Variants in ZNF608 observed in about 807,000 individuals in gnomAD.
ZNF608 encodes the protein renal carcinoma antigen NY-REN-36.
ZNF608 carries 12 observed loss-of-function variants against 109.0 expected under a neutral mutation model. The ratio of observed to expected loss-of-function variants is 0.11; its 90% CI spans 0.07 to 0.18. The LOEUF (loss-of-function observed/expected upper bound fraction) is 0.18. Ranked by LOEUF, ZNF608 falls within the 10% of genes least tolerant of loss-of-function variation. The pLI, the probability that ZNF608 is intolerant of heterozygous loss-of-function variation, is 1.00. For synonymous variants in ZNF608, 732 were observed against 717.4 expected (o/e 1.02, Z -0.33); for missense variants, 1,707 against 1,879.3 (o/e 0.91, Z 1.70).
At chr5:124,716,047 G>A (rs937117492) in intron 2 of ZNF608, among the ~76,000 whole-genome samples, 1 of 151,040 alleles carries the variant, frequency 6.6e-6, no homozygotes, top group African/African-American at 2.4e-5. Flanking sequence ...GGAGGCTGAG[G>A]CAGGAGAATG....
chr5:124,744,447 T>C lies in ZNF608; in HGVS notation c.543A>G (p.Ala181=). The change falls in exon 2 of 10, where the codon GCA becomes GCG. Residue 181 remains alanine (A), a synonymous_variant. Coordinates refer to ENST00000513986, the MANE Select transcript of ZNF608 (RefSeq NM_020747.3). This position sits in a 1 kb window ranked among gnomAD's most constrained non-coding sequence, Gnocchi z 4.5. ...STSTSAATAG[A]GSCGKSKEEK... Reference sequence around the variant, plus strand: ...CCTCTTTGCTTTTCCCACAGGAGCCTGCCCCCGCGGTGGCGGCAGAGGTGC... The same window carrying C: ...CCTCTTTGCTTTTCCCACAGGAGCCCGCCCCCGCGGTGGCGGCAGAGGTGC... 6.2e-7 allele frequency: 1 copy of C among 1,614,230 alleles called. No individual in the cohort carries two copies. The highest frequency in any genetic ancestry group is 8.5e-7 in the Non-Finnish European group (1 of 1,180,036).
chr5:124,748,466 CGCACATTCCCCT>C, upstream of ZNF608: 1 of 888,756 alleles, frequency 1.1e-6, no homozygotes, highest in East Asian at 1.2e-4. Context: ...GCATAAAACT[CGCACATTCCCCT>C]GCATGAAGTC....
chr5:124,639,803 T>C (rs1169316980), intron 8 of ZNF608, among the ~76,000 whole-genome samples: 1 of 152,152 alleles, frequency 6.6e-6, no homozygotes, highest in African/African-American at 2.4e-5. Flanking sequence ...TAGAAGACAG[T>C]CCTGGGGAAA....
rs143974992 is a variant in ZNF608, at chr5:124,644,240, G to A, written c.4123+4C>T. On this transcript the variant is annotated splice_donor_region_variant and intron_variant, in intron 6 of 9. Coordinates refer to ENST00000513986, the MANE Select transcript of ZNF608 (RefSeq NM_020747.3). ...CCAATATAGTCAGAACCGACAACAC[G>A]TACCAGGATAACTGTGCATTAGGAC... The A allele has an allele frequency of 3.5e-4, 563 of 1,598,166 alleles. 1 individual carries two copies. Among genetic ancestry groups the A allele is most frequent in the African/African-American group, 1.0e-3 (77 of 74,770 alleles).
intron 3 of ZNF608, among the ~76,000 whole-genome samples, chr5:124,694,142 A>ATTTTTTTTTTTTTTT (rs11320730): frequency 5.0e-4 from 32 of 63,936 alleles, no homozygotes; most frequent in East Asian, 6.3e-4. Flanking sequence ...CGCTCGGCTA[A>ATTTTTTTTTTTTTTT]TTTTTTTTTT....
intron 3 of ZNF608, among the ~76,000 whole-genome samples, chr5:124,651,791 C>T (rs762256830): frequency 2.0e-5 from 3 of 152,216 alleles, no homozygotes; most frequent in South Asian, 2.1e-4. Context: ...GGCGGCCGCC[C>T]GGAGCACAGA....
chr5:124,742,247 G>C (rs1749442938), intron 2 of ZNF608, among the ~76,000 whole-genome samples: 1 of 152,194 alleles, frequency 6.6e-6, no homozygotes, highest in African/African-American at 2.4e-5. Flanking sequence ...TGCCATGACA[G>C]CAGCCTTTTA....
At chr5:124,676,261 C>T (rs1333692272) in intron 3 of ZNF608, among the ~76,000 whole-genome samples, 2 of 151,794 alleles carry the variant, frequency 1.3e-5, no homozygotes, top group African/African-American at 2.4e-5. Flanking sequence ...GCTCTGTGAA[C>T]CCAAGAAGGA....
At chr5:124,651,984 C>G (rs961090820) in intron 3 of ZNF608, among the ~76,000 whole-genome samples, 1 of 152,048 alleles carries the variant, frequency 6.6e-6, no homozygotes, top group African/African-American at 2.4e-5. Flanking sequence ...CGTGACCGTG[C>G]TGCGCTCCCC....
Position 124,744,048 on chromosome 5 carries a change from G to A in ZNF608, c.906+36C>T. 1 of 1,547,942 alleles carries A rather than the reference G, an allele frequency of 6.5e-7. No individual in the cohort carries two copies. The highest frequency in any genetic ancestry group is 1.3e-5 in the South Asian group (1 of 79,232). On this transcript the variant is annotated intron_variant, in intron 2 of 9. Transcript: ENST00000513986. This position sits in a 1 kb window ranked among gnomAD's most constrained non-coding sequence, Gnocchi z 4.5. Reference sequence around the variant, plus strand: ...CACACCCACACAAATGCACACAGAGGAGAGTAGGACATCTAGGAAGGCGAC... The same window carrying A: ...CACACCCACACAAATGCACACAGAGAAGAGTAGGACATCTAGGAAGGCGAC...
intron 3 of ZNF608, among the ~76,000 whole-genome samples, chr5:124,666,991 T>C (rs1265068495): frequency 6.6e-6 from 1 of 152,092 alleles, no homozygotes; most frequent in African/African-American, 2.4e-5. Flanking sequence ...GTGGAATCAA[T>C]ATATGAGTAA....
chr5:124,638,064 C>T (rs947466719), intron 9 of ZNF608, among the ~76,000 whole-genome samples, 158 bp from the exon 10 acceptor site: 3 of 152,154 alleles, frequency 2.0e-5, no homozygotes, highest in African/African-American at 7.2e-5. Flanking sequence ...GATTCTCCTG[C>T]CTCAGCCTCC....
intron 3 of ZNF608, among the ~76,000 whole-genome samples, chr5:124,679,692 A>T (rs1402112182): frequency 6.6e-6 from 1 of 152,196 alleles, no homozygotes; most frequent in Non-Finnish European, 1.5e-5. Flanking sequence ...TGAGAAGAAA[A>T]ACTTGAAAAT....
At chr5:124,747,404 A>G (rs1749678199), upstream of ZNF608, among the ~76,000 whole-genome samples, 1 of 151,616 alleles carries the variant, frequency 6.6e-6, no homozygotes, top group Non-Finnish European at 1.5e-5. Context: ...TTTGCTGGAA[A>G]TGTCGGGGCT....
intron 2 of ZNF608, among the ~76,000 whole-genome samples, chr5:124,715,644 T>C (rs767325985): frequency 6.6e-6 from 1 of 152,190 alleles, no homozygotes; most frequent in Non-Finnish European, 1.5e-5. Flanking sequence ...ATATACACAC[T>C]TCATAAAGCT....
intron 3 of ZNF608, among the ~76,000 whole-genome samples, chr5:124,672,941 C>A (rs1215175129): frequency 1.3e-5 from 2 of 152,148 alleles, no homozygotes; most frequent in African/African-American, 4.8e-5. Context: ...GAGGTGACAA[C>A]AGTAAGTTCC....
Position 124,694,647 on chromosome 5 carries a change from G to A in ZNF608, c.1162+6367C>T, listed in dbSNP as rs191905728. 1.8e-4 allele frequency among the ~76,000 whole-genome samples: 28 copies of A among 151,990 alleles called. 1 individual carries two copies. The highest frequency in any genetic ancestry group is 6.0e-4 in the African/African-American group (25 of 41,418). On this transcript the variant is annotated intron_variant, in intron 3 of 9. Coordinates refer to ENST00000513986, the MANE Select transcript of ZNF608 (RefSeq NM_020747.3). ...GCCAGTTTGTTACATATGTATACAT[G>A]TGCCATGTTGGCGTGCTGCACCCAT...
chr5:124,690,956 T>C (rs557733672), intron 3 of ZNF608, among the ~76,000 whole-genome samples: 1,217 of 96,548 alleles, frequency 0.013, 10 homozygotes, highest in African/African-American at 0.024. Flanking sequence ...CACACACACA[T>C]AATGGAAAAG....
chr5:124,720,167 G>C (rs183167726), intron 2 of ZNF608, among the ~76,000 whole-genome samples: 6 of 152,118 alleles, frequency 3.9e-5, no homozygotes, highest in African/African-American at 1.4e-4. Context: ...TTTTATTTTA[G>C]AAAAGAAATA....
Sources: allele counts gnomAD v4.1 joint callset (sites outside exome capture counted in the v4.1 genomes callset), GRCh38; gene constraint gnomAD v4.1.1; non-coding constraint Gnocchi (gnomAD v3.1); transcripts MANE v1.5; gene names NCBI Gene and HGNC (gene_info 2026-07-23, HGNC 2026-07-21).